Variants in FOCAD observed in about 807,000 individuals in gnomAD.
FOCAD encodes KIAA1797.
In FOCAD, 198 loss-of-function variants were observed where a neutral mutation model predicts 225.6. That is an observed-to-expected ratio of 0.88 (90% CI 0.78 to 0.99). The LOEUF (loss-of-function observed/expected upper bound fraction) is 0.99. Ranked by LOEUF, FOCAD falls within the 50% of genes least tolerant of loss-of-function variation. The pLI is 0.00. For synonymous variants in FOCAD, 897 were observed against 755.0 expected (o/e 1.19, Z -3.08); for missense variants, 2,713 against 2,123.6 (o/e 1.28, Z -5.46).
At chr9:20,789,236 T>C in intron 10 of FOCAD, 115 bp from the exon 11 acceptor site, 1 of 1,166,212 alleles carries the variant, frequency 8.6e-7, no homozygotes, top group Non-Finnish European at 1.2e-6. Flanking sequence ...TCAATTTGTA[T>C]TCATTTTGTT....
intron 4 of FOCAD, among the ~76,000 whole-genome samples, chr9:20,731,446 T>TA (rs572605875): frequency 6.6e-6 from 1 of 152,152 alleles, no homozygotes; most frequent in African/African-American, 2.4e-5. Flanking sequence ...TATTATTTTG[T>TA]AAAAAACTAA....
chr9:20,985,823 A>G (rs1369465624), intron 39 of FOCAD, among the ~76,000 whole-genome samples: 1 of 152,240 alleles, frequency 6.6e-6, no homozygotes, highest in Non-Finnish European at 1.5e-5. Context: ...CGTCAGTACA[A>G]TATACAATGA....
intron 22 of FOCAD, among the ~76,000 whole-genome samples, chr9:20,912,300 G>A (rs1385757229): frequency 6.6e-6 from 1 of 152,044 alleles, no homozygotes; most frequent in Non-Finnish European, 1.5e-5. Flanking sequence ...GGACTTAAAG[G>A]AACAATGTTA....
chr9:20,800,335 C>G (rs1047096733), intron 11 of FOCAD, among the ~76,000 whole-genome samples: 1 of 152,012 alleles, frequency 6.6e-6, no homozygotes, highest in Non-Finnish European at 1.5e-5. Context: ...CTTGGAGTTG[C>G]TCTTCTCGAG....
At chr9:20,760,739 T>G (rs5018487) in intron 6 of FOCAD, among the ~76,000 whole-genome samples, 1 of 152,072 alleles carries the variant, frequency 6.6e-6, no homozygotes, top group Non-Finnish European at 1.5e-5. Flanking sequence ...AACTGTGAAA[T>G]CTTGAGGGCA....
chr9:20,751,867 G>A (rs931275159), intron 5 of FOCAD, among the ~76,000 whole-genome samples: 1 of 144,222 alleles, frequency 6.9e-6, no homozygotes, highest in Non-Finnish European at 1.5e-5. Context: ...GTGTGAGATG[G>A]TATCTCATTG....
intron 1 of FOCAD, among the ~76,000 whole-genome samples, chr9:20,694,057 C>T (rs1227503333): frequency 6.6e-6 from 1 of 152,186 alleles, no homozygotes; most frequent in Non-Finnish European, 1.5e-5. Flanking sequence ...TATTCTTCCA[C>T]ATCCAGACTC....
chr9:20,956,568 G>A (rs899716037), intron 35 of FOCAD, among the ~76,000 whole-genome samples: 1 of 151,976 alleles, frequency 6.6e-6, no homozygotes, highest in Non-Finnish European at 1.5e-5. Flanking sequence ...AAAAAGTAAT[G>A]ACTTTACATG....
At chr9:20,710,965 T>A (rs2131474195) in intron 1 of FOCAD, among the ~76,000 whole-genome samples, 1 of 152,352 alleles carries the variant, frequency 6.6e-6, no homozygotes, top group South Asian at 2.1e-4. Context: ...AGAACACAGC[T>A]ATAGTCATTT....
At chr9:20,961,971 A>G (rs1249602487) in intron 35 of FOCAD, among the ~76,000 whole-genome samples, 1 of 152,126 alleles carries the variant, frequency 6.6e-6, no homozygotes, top group Non-Finnish European at 1.5e-5. Flanking sequence ...TATTTTAAAA[A>G]CTGTCTTGAT....
rs199528363 is a variant in FOCAD at position 20,689,183 on chromosome 9, A to G, written c.-33+4890A>G. Among the ~76,000 whole-genome samples the G allele has an allele frequency of 2.0e-5, 3 of 152,238 alleles. No individual in the cohort carries two copies. The East Asian group carries it at 5.8e-4, about 29-fold the overall frequency. ...AGGATAGAAATCCTCTGGTCAGAGT[A>G]GAATATTGGAATTTAAGATTTTTAG... On this transcript the variant is annotated intron_variant, in intron 1 of 43. Coordinates refer to ENST00000338382, the MANE Select transcript of FOCAD (RefSeq NM_001375567.1).
At chr9:20,779,035 G>A (rs1278234687) in intron 9 of FOCAD, among the ~76,000 whole-genome samples, 2 of 152,008 alleles carry the variant, frequency 1.3e-5, no homozygotes, top group Non-Finnish European at 2.9e-5. Flanking sequence ...TATATTGAAT[G>A]GCATAGCACC....
intron 2 of FOCAD, among the ~76,000 whole-genome samples, chr9:20,659,898 T>C (rs1821660400): frequency 1.3e-5 from 2 of 152,186 alleles, no homozygotes; most frequent in Admixed American, 6.5e-5. Context: ...CAATGAGATA[T>C]GAGAGATAGC....
At position 20,764,966 on chromosome 9, in the gene FOCAD, C is replaced by T. The variant is rs759618724; in HGVS notation, c.592C>T (p.Leu198=). ...AGAATATGCTAAACTCCGACTAGCC[C>T]TGCTGAAAGTCTTACTTCAACCCCA... is the stretch of plus-strand genomic sequence containing the variant. ...LQEYAKLRLA[L]LKVLLQPQVL... The change falls in exon 7 of 44, where the codon CTG becomes TTG. Residue 198 remains leucine (L), a synonymous_variant. Transcript: ENST00000338382. 3.7e-6 allele frequency: 6 copies of T among 1,614,066 alleles called. No individual in the cohort carries two copies. Among genetic ancestry groups the T allele is most frequent in the Non-Finnish European group, 1.7e-6 (2 of 1,179,994 alleles).
intron 4 of FOCAD, among the ~76,000 whole-genome samples, chr9:20,724,910 C>G (rs150929385): frequency 6.6e-6 from 1 of 152,016 alleles, no homozygotes; most frequent in East Asian, 1.9e-4. Context: ...GGCTCATGCC[C>G]GTAATCCCAG....
intron 4 of FOCAD, among the ~76,000 whole-genome samples, chr9:20,730,078 T>G (rs559720452): frequency 6.6e-6 from 1 of 152,306 alleles, no homozygotes; most frequent in African/African-American, 2.4e-5. Flanking sequence ...GCTTTAGAGC[T>G]TTACCTAAAA....
chr9:20,844,349 CTTTTTTTTTT>C (rs58468376), intron 15 of FOCAD, among the ~76,000 whole-genome samples: 17 of 77,254 alleles, frequency 2.2e-4, no homozygotes, highest in Middle Eastern at 0.017. Flanking sequence ...AGGAAATTTC[CTTTTTTTTTT>C]TTTTTTTTTT....
intron 4 of FOCAD, 145 bp from the exon 5 acceptor site, chr9:20,740,091 T>G (rs1405968202): frequency 1.8e-6 from 1 of 558,292 alleles, no homozygotes; most frequent in African/African-American, 1.9e-5. Flanking sequence ...TGGGCTGTAC[T>G]ATAGAATGAG....
At chr9:20,722,091 A>G (rs1825833565) in intron 4 of FOCAD, among the ~76,000 whole-genome samples, 1 of 141,180 alleles carries the variant, frequency 7.1e-6, no homozygotes, top group African/African-American at 2.7e-5. Context: ...GGGTCTTGCT[A>G]TGCTGCCTGG....
Sources: allele counts gnomAD v4.1 joint callset (sites outside exome capture counted in the v4.1 genomes callset), GRCh38; gene constraint gnomAD v4.1.1; transcripts MANE v1.5; gene names NCBI Gene and HGNC (gene_info 2026-07-23, HGNC 2026-07-21).